Variants in CNGA3 observed in about 807,000 individuals in gnomAD.
CNGA3 encodes the protein cyclic nucleotide gated channel subunit alpha 3, also known as cyclic nucleotide-gated channel alpha-3.
In CNGA3, 42 loss-of-function variants were observed where a neutral mutation model predicts 46.6. The observed-to-expected ratio is 0.90, with a 90% CI of 0.70 to 1.17. The LOEUF (loss-of-function observed/expected upper bound fraction) is 1.17. Among genes scored for constraint, CNGA3 ranks in the 50% most tolerant of loss-of-function variants. The probability of loss-of-function intolerance (pLI) is 0.00; values close to 1 mark genes in which losing one functional copy is unlikely to be tolerated. For synonymous variants in CNGA3, 394 were observed against 369.4 expected (o/e 1.07, Z -0.76); for missense variants, 893 against 890.7 (o/e 1.00, Z -0.03).
rs1692924436 is a variant in CNGA3 at position 98,396,661 on chromosome 2, G to T, written c.1491G>T (p.Lys497Asn). 1.2e-6 allele frequency: 2 copies of T among 1,614,196 alleles called. No homozygotes were observed. The highest frequency in any genetic ancestry group is 1.7e-6 in the Non-Finnish European group (2 of 1,180,044). ...EAGLLVELVL[K>N]LRPTVFSPGD... ...GGCTGCTGGTGGAGCTGGTGCTGAA[G>T]CTGCGACCCACTGTGTTCAGCCCTG... Residue 497 changes from lysine to asparagine, a missense_variant, in exon 8 of 8, where the codon AAG becomes AAT. Transcript: ENST00000272602.
intron 2 of CNGA3, chr2:98,377,411 G>A: frequency 2.4e-6 from 1 of 411,908 alleles, no homozygotes; most frequent in South Asian, 2.7e-5. Context: ...CCAGTGCTTT[G>A]ATGAGGGCCA....
intron 5 of CNGA3, among the ~76,000 whole-genome samples, chr2:98,386,087 A>G (rs895206336): frequency 6.6e-6 from 1 of 152,194 alleles, no homozygotes; most frequent in Non-Finnish European, 1.5e-5. Flanking sequence ...TGAAGACTGA[A>G]TGTGTTACTC....
Position 98,372,075 on chromosome 2 carries a change from C to T in CNGA3, c.101+1999C>T, listed in dbSNP as rs142818909. On this transcript the variant is annotated intron_variant, in intron 2 of 7. Transcript: ENST00000272602. ...AGAAGGCAGTAGTGGGATCTCAGTC[C>T]GGCTCCTTCCGGTGAGATACCCACT... Among the ~76,000 whole-genome samples the T allele has an allele frequency of 1.4e-3, 208 of 152,312 alleles. 4 individuals carry two copies. Among genetic ancestry groups the T allele is most frequent in the African/African-American group, 4.8e-3 (200 of 41,574 alleles).
intron 1 of CNGA3, among the ~76,000 whole-genome samples, chr2:98,364,067 T>C (rs1692092211): frequency 6.6e-6 from 1 of 152,174 alleles, no homozygotes; most frequent in Non-Finnish European, 1.5e-5. Context: ...TGTTTTTTGA[T>C]CTTTGTTGCT....
intron 1 of CNGA3, among the ~76,000 whole-genome samples, chr2:98,360,417 G>A (rs1482420670): frequency 6.6e-6 from 1 of 152,206 alleles, no homozygotes; most frequent in Non-Finnish European, 1.5e-5. Context: ...TTTATTTGGT[G>A]TAATTTGCCT....
chr2:98,398,325 CAG>C lies in CNGA3; in HGVS notation c.*1072_*1073del, dbSNP rs1692972267. ...ATATAATTTCATTAACATTTTATAA[CAG>C]ATTTATATTTTTGAGTTCCGTGATT... On this transcript the variant is annotated 3_prime_UTR_variant, in exon 8 of 8. Coordinates refer to ENST00000272602, the MANE Select transcript of CNGA3 (RefSeq NM_001298.3). 6.6e-6 allele frequency: 1 copy of C among 152,124 alleles called. No homozygotes were observed. Among genetic ancestry groups the C allele is most frequent in the African/African-American group, 2.4e-5 (1 of 41,414 alleles). The allele number at this position is 152,124 out of a possible 1,614,324, so 9.4% of individuals were successfully genotyped here.
At chr2:98,358,500 A>G (rs1294916068) in intron 1 of CNGA3, among the ~76,000 whole-genome samples, 4 of 152,312 alleles carry the variant, frequency 2.6e-5, no homozygotes, top group Admixed American at 2.0e-4. Flanking sequence ...AAATTAATAA[A>G]TTGACCAAGC....
At chr2:98,391,500 T>C (rs1191979097) in intron 6 of CNGA3, among the ~76,000 whole-genome samples, 1 of 152,218 alleles carries the variant, frequency 6.6e-6, no homozygotes, top group Non-Finnish European at 1.5e-5. Context: ...GAAATTCTCC[T>C]ATTTTTGTTG....
rs373527569 is a variant in CNGA3, at chr2:98,391,851, A to C, written c.567-13A>C. The C allele has an allele frequency of 1.9e-6, 3 of 1,613,660 alleles. No homozygotes were observed. Among genetic ancestry groups the C allele is most frequent in the African/African-American group, 2.7e-5 (2 of 74,910 alleles). On this transcript the variant is annotated splice_polypyrimidine_tract_variant and intron_variant, in intron 6 of 7. Coordinates refer to ENST00000272602, the MANE Select transcript of CNGA3 (RefSeq NM_001298.3). ...ACACGCACAGCCATCCATCTCCCACATGGCTTCTTTAGGGCCTGTTTCGAT... is the reference window on the plus strand; with the variant it reads ...ACACGCACAGCCATCCATCTCCCACCTGGCTTCTTTAGGGCCTGTTTCGAT...
Position 98,380,189 on chromosome 2 carries a change from T to A in CNGA3, c.230T>A (p.Ile77Asn). The change falls in exon 4 of 8, where the codon ATC (isoleucine) becomes AAC (asparagine). Residue 77 changes from isoleucine (I) to asparagine (N), a missense_variant. By Grantham distance (149) the Ile-to-Asn change is moderately radical. Around this residue, in one of 3 missense-constraint regions of CNGA3, gnomAD observed 333 missense variants for 290.8 expected, o/e 1.15. Coordinates refer to ENST00000272602, the MANE Select transcript of CNGA3 (RefSeq NM_001298.3). The part of the protein sequence containing the change: ...GQGIARLSRL[I>N]FLLRRWAARH... ...TCACCTTCCAGGCTGTCGCGCCTCA[T>A]CTTCTTGCTGCGCAGGTGGGCTGCC... 6.2e-7 allele frequency: 1 copy of A among 1,614,180 alleles called. No individual in the cohort carries two copies. The highest frequency in any genetic ancestry group is 8.5e-7 in the Non-Finnish European group (1 of 1,180,046).
At chr2:98,370,150 G>A in intron 2 of CNGA3, 74 bp downstream of exon 2, 1 of 1,242,194 alleles carries the variant, frequency 8.1e-7, no homozygotes, top group Non-Finnish European at 1.2e-6. Flanking sequence ...TAGACTGTGG[G>A]GGAAGAATGC....
intron 4 of CNGA3, among the ~76,000 whole-genome samples, chr2:98,382,284 T>C (rs1692556780): frequency 6.6e-6 from 1 of 152,204 alleles, no homozygotes; most frequent in South Asian, 2.1e-4. Flanking sequence ...CTGTGTGGGC[T>C]TGGCTTTGTG....
Position 98,383,425 on chromosome 2 carries a change from A to C in CNGA3, c.433A>C (p.Asn145His). 1 of 1,614,170 alleles carries C rather than the reference A, an allele frequency of 6.2e-7. No individual in the cohort carries two copies. The highest frequency in any genetic ancestry group is 1.1e-5 in the South Asian group (1 of 91,080). The change falls in exon 5 of 8, where the codon AAC becomes CAC. Residue 145 changes from asparagine (N) to histidine (H), a missense_variant. Asn to His is a moderately conservative substitution (Grantham distance 68). Coordinates refer to ENST00000272602, the MANE Select transcript of CNGA3 (RefSeq NM_001298.3). ...GGCCAAATGCAACACTAACACCAGCAACAACACGGAGGAGGAGTAAGTACC... is the reference window on the plus strand; with the variant it reads ...GGCCAAATGCAACACTAACACCAGCCACAACACGGAGGAGGAGTAAGTACC... ...PLAKCNTNTS[N>H]NTEEEKKTKK...
intron 2 of CNGA3, among the ~76,000 whole-genome samples, chr2:98,375,330 C>T (rs867987507): frequency 1.3e-5 from 2 of 152,196 alleles, no homozygotes; most frequent in Non-Finnish European, 2.9e-5. Context: ...CTGCTGGTGG[C>T]GGCAGAACAC....
intron 1 of CNGA3, among the ~76,000 whole-genome samples, chr2:98,352,604 T>G (rs944458412): frequency 6.6e-6 from 1 of 152,194 alleles, no homozygotes; most frequent in African/African-American, 2.4e-5. Flanking sequence ...ACATTATTTC[T>G]GGGGGTGTCT....
rs182226793 is a variant in CNGA3 at position 98,351,571 on chromosome 2, C to A, written c.-38+5037C>A. On this transcript the variant is annotated intron_variant, in intron 1 of 7. Coordinates refer to ENST00000272602, the MANE Select transcript of CNGA3 (RefSeq NM_001298.3). ...CTTTCTTTTGTAAATTACCCATTCT[C>A]GGGTATGTCTTTATCAGCAGCATGA... 1.2e-4 allele frequency among the ~76,000 whole-genome samples: 19 copies of A among 152,234 alleles called. No individual in the cohort carries two copies. The East Asian group carries it at 3.7e-3, about 29-fold the overall frequency.
intron 5 of CNGA3, among the ~76,000 whole-genome samples, chr2:98,385,226 A>C (rs2104218600): frequency 6.6e-6 from 1 of 152,326 alleles, no homozygotes; most frequent in Non-Finnish European, 1.5e-5. Context: ...TGCAGGGCAA[A>C]GCTCACCCAA....
At chr2:98,376,875 G>A (rs947332245) in intron 2 of CNGA3, among the ~76,000 whole-genome samples, 8 of 152,172 alleles carry the variant, frequency 5.3e-5, no homozygotes, top group Admixed American at 2.6e-4. Flanking sequence ...ATTCCCAGAC[G>A]CATTCCTAGT....
intron 1 of CNGA3, among the ~76,000 whole-genome samples, chr2:98,359,663 C>T (rs753383498): frequency 1.5e-4 from 23 of 152,156 alleles, no homozygotes; most frequent in Non-Finnish European, 3.2e-4. Flanking sequence ...CCCTTCTGTC[C>T]CCAGCCCTAG....
Sources: allele counts gnomAD v4.1 joint callset (sites outside exome capture counted in the v4.1 genomes callset), GRCh38; gene constraint gnomAD v4.1.1; regional missense constraint gnomAD v4.1.1; transcripts MANE v1.5; gene names NCBI Gene and HGNC (gene_info 2026-07-23, HGNC 2026-07-21).